AGFG1: variants seen among roughly 807,000 people sequenced by gnomAD.
AGFG1 encodes the protein arf-GAP domain and FG repeat-containing protein 1.
Under a neutral mutation model 60.6 loss-of-function variants are expected in AGFG1, and 10 were observed. The observed-to-expected ratio is 0.16, with a 90% CI of 0.10 to 0.28. The LOEUF (loss-of-function observed/expected upper bound fraction) is 0.28, where lower values mean the gene tolerates loss of function less well. AGFG1 is among the 10% of genes least tolerant of loss of function. The pLI is 1.00. For missense variants in AGFG1, 537 were observed against 676.5 expected (o/e 0.79, Z 2.29); for synonymous variants, 247 against 242.9 (o/e 1.02, Z -0.16).
chr2:227,485,852 C>T (rs79639738), intron 1 of AGFG1, among the ~76,000 whole-genome samples: 8,247 of 152,114 alleles, frequency 0.054, 295 homozygotes, highest in African/African-American at 0.09. Flanking sequence ...TACTATATTT[C>T]GTAACTGGTA....
In AGFG1 at chr2:227,537,494, A is replaced by G. The variant is rs143789170; in HGVS notation, c.1378+501A>G. On this transcript the variant is annotated intron_variant, in intron 10 of 12. Transcript: ENST00000310078. ...CTCTTTCAGGTGTTAACATTTTTTAAGTTGTGGAAACTTGATTCAGTCGTG... is the reference window on the plus strand; with the variant it reads ...CTCTTTCAGGTGTTAACATTTTTTAGGTTGTGGAAACTTGATTCAGTCGTG... Among the ~76,000 whole-genome samples, 33 of 152,214 alleles carry G rather than the reference A, an allele frequency of 2.2e-4. No homozygotes were observed. The East Asian group carries it at 5.8e-3, about 27-fold the overall frequency.
At chr2:227,489,250 A>G (rs1243956598) in intron 1 of AGFG1, among the ~76,000 whole-genome samples, 1 of 59,686 alleles carries the variant, frequency 1.7e-5, no homozygotes, top group Non-Finnish European at 2.9e-5. Flanking sequence ...TTTTTTTTTG[A>G]GACGGAGTCT....
rs901236481 is a variant in AGFG1 at position 227,534,825 on chromosome 2, T to A, written c.1025-20T>A. 1.9e-6 allele frequency: 3 copies of A among 1,605,888 alleles called. No individual in the cohort carries two copies. The African/African-American group carries it at 4.0e-5, about 21-fold the overall frequency. On this transcript the variant is annotated intron_variant, in intron 7 of 12. Coordinates refer to ENST00000310078, the MANE Select transcript of AGFG1 (RefSeq NM_004504.5). Reference sequence around the variant, plus strand: ...TGTAACTTTAAATTTTTGGTGTAACTTGATTTTGTTCGTTCCCAGGTGGTG... The same window carrying A: ...TGTAACTTTAAATTTTTGGTGTAACATGATTTTGTTCGTTCCCAGGTGGTG...
At chr2:227,505,574 T>G (rs1166190594) in intron 2 of AGFG1, among the ~76,000 whole-genome samples, 1 of 152,180 alleles carries the variant, frequency 6.6e-6, no homozygotes, top group Non-Finnish European at 1.5e-5. Context: ...TTCTGTTATC[T>G]CTAAGCTCTA....
chr2:227,526,266 T>C (rs536471028), intron 5 of AGFG1, among the ~76,000 whole-genome samples: 2 of 152,178 alleles, frequency 1.3e-5, no homozygotes, highest in South Asian at 4.2e-4. Flanking sequence ...TGGTACAATC[T>C]TACTGCGACC....
At chr2:227,487,414 T>C (rs1295925792) in intron 1 of AGFG1, among the ~76,000 whole-genome samples, 1 of 152,098 alleles carries the variant, frequency 6.6e-6, no homozygotes, top group Non-Finnish European at 1.5e-5. Flanking sequence ...TTAAAAAAAT[T>C]AGCTCTGAGA....
intron 3 of AGFG1, among the ~76,000 whole-genome samples, chr2:227,522,646 G>A (rs1691859461): frequency 6.6e-6 from 1 of 152,158 alleles, no homozygotes; most frequent in Non-Finnish European, 1.5e-5. Context: ...GCCATTTAGT[G>A]GTAGAGCTGG....
chr2:227,537,004 G>A lies in AGFG1; in HGVS notation c.1378+11G>A. The A allele has an allele frequency of 6.2e-7, 1 of 1,608,018 alleles. No homozygotes were observed. Among genetic ancestry groups the A allele is most frequent in the East Asian group, 2.2e-5 (1 of 44,838 alleles). Reference sequence around the variant, plus strand: ...CCAGAGGAGCAACAGGTAAGAAAAAGAGACAGTGGAACAGTAAGTTTTGGG... The same window carrying A: ...CCAGAGGAGCAACAGGTAAGAAAAAAAGACAGTGGAACAGTAAGTTTTGGG... On this transcript the variant is annotated intron_variant, in intron 10 of 12. Coordinates refer to ENST00000310078, the MANE Select transcript of AGFG1 (RefSeq NM_004504.5).
At chr2:227,510,874 C>T (rs1021981277) in intron 2 of AGFG1, 1 of 152,156 alleles carries the variant, frequency 6.6e-6, no homozygotes, top group Non-Finnish European at 1.5e-5. Context: ...AGTAAGTTTT[C>T]TTACTATCCA....
At chr2:227,524,727 C>T (rs373815428) in intron 4 of AGFG1, 35 bp from the exon 5 acceptor site, 17 of 1,605,138 alleles carry the variant, frequency 1.1e-5, no homozygotes, top group Admixed American at 6.7e-5. Context: ...GCAGATCCGA[C>T]TGGAATATCT....
At chr2:227,478,327 G>C (rs556498655) in intron 1 of AGFG1, among the ~76,000 whole-genome samples, 1 of 150,974 alleles carries the variant, frequency 6.6e-6, no homozygotes, top group Admixed American at 6.6e-5. Flanking sequence ...GCAAGCATAG[G>C]TTTTTTTGTT....
intron 1 of AGFG1, among the ~76,000 whole-genome samples, chr2:227,488,087 T>C (rs1344596531): frequency 3.9e-5 from 6 of 152,238 alleles, no homozygotes; most frequent in Admixed American, 3.3e-4. Flanking sequence ...TTGAGTGTAC[T>C]GAGAGAGCTC....
In AGFG1 at chr2:227,490,393, A is replaced by C. The variant is rs190361845; in HGVS notation, c.168-1154A>C. ...GGAGATTGAGAACATCCTGGCTAAC[A>C]CGGTGAAACCCTGTCTCTACTAAAA... is the stretch of plus-strand genomic sequence containing the variant. On this transcript the variant is annotated intron_variant, in intron 1 of 12. Coordinates refer to ENST00000310078, the MANE Select transcript of AGFG1 (RefSeq NM_004504.5). Among the ~76,000 whole-genome samples the C allele has an allele frequency of 9.2e-5, 14 of 152,220 alleles. No individual in the cohort carries two copies. The East Asian group carries it at 2.5e-3, about 27-fold the overall frequency.
At chr2:227,497,787 T>A in intron 2 of AGFG1, among the ~76,000 whole-genome samples, 1 of 128,324 alleles carries the variant, frequency 7.8e-6, no homozygotes, top group Non-Finnish European at 1.6e-5. Flanking sequence ...CTCTGTCGCC[T>A]AGGCTGGAGT....
intron 2 of AGFG1, among the ~76,000 whole-genome samples, chr2:227,507,602 C>CAAAAAAAAAAAA (rs1162277041): frequency 3.2e-5 from 2 of 61,582 alleles, no homozygotes; most frequent in Non-Finnish European, 6.0e-5. Flanking sequence ...GACTCTGTCT[C>CAAAAAAAAAAAA]AAAAAAAAAA....
intron 2 of AGFG1, among the ~76,000 whole-genome samples, chr2:227,504,802 A>G (rs749442744): frequency 1.3e-4 from 20 of 152,108 alleles, no homozygotes; most frequent in Non-Finnish European, 2.6e-4. Context: ...CATTTTTGAT[A>G]TATTTTCACT....
At chr2:227,520,155 C>T (rs1691782904) in intron 3 of AGFG1, 92 bp downstream of exon 3, 4 of 763,252 alleles carry the variant, frequency 5.2e-6, no homozygotes, top group Non-Finnish European at 8.5e-6. Flanking sequence ...GGATAAAAGA[C>T]AGACAGTGAG....
Position 227,472,603 on chromosome 2 carries a change from G to A in AGFG1, c.167+15G>A. The A allele has an allele frequency of 6.4e-7, 1 of 1,564,018 alleles. No homozygotes were observed. The stretch of plus-strand genomic sequence containing the variant: ...TCCGGCAGCCTGTGAGTGCGGGGCG[G>A]CCGGGCGGGTGTCGGGCCCTTCCCG... On this transcript the variant is annotated intron_variant, in intron 1 of 12. Coordinates refer to ENST00000310078, the MANE Select transcript of AGFG1 (RefSeq NM_004504.5).
chr2:227,499,705 G>T (rs1691091331), intron 2 of AGFG1, among the ~76,000 whole-genome samples: 1 of 152,096 alleles, frequency 6.6e-6, no homozygotes, highest in South Asian at 2.1e-4. Context: ...CACCTACAAA[G>T]ATTGGACTGG....
Sources: gnomAD v4.1 joint callset for allele counts (sites outside exome capture counted in the v4.1 genomes callset) on GRCh38, gnomAD v4.1.1 for gene constraint, MANE v1.5 for transcripts, NCBI Gene and HGNC (gene_info 2026-07-23, HGNC 2026-07-21) for gene names.